AOPEP: variants seen among roughly 807,000 people sequenced by gnomAD.
AOPEP encodes the protein aminopeptidase O (putative).
In AOPEP, 77 loss-of-function variants were observed where a neutral mutation model predicts 98.1. The ratio of observed to expected loss-of-function variants is 0.78; its 90% CI spans 0.65 to 0.95. The LOEUF (loss-of-function observed/expected upper bound fraction) is 0.95. Among genes scored for constraint, AOPEP ranks in the 40% least tolerant of loss-of-function variants. AOPEP has a pLI of 0.00. For missense variants in AOPEP, 1,024 were observed against 1,024.7 expected, an observed-to-expected ratio of 1.00 and a Z score of 0.01; for synonymous variants, 346 against 365.3, an observed-to-expected ratio of 0.95 and a Z score of 0.60.
At chr9:94,933,056 T>G in intron 7 of AOPEP, 1 of 985,578 alleles carries the variant, frequency 1.0e-6, no homozygotes, top group Non-Finnish European at 1.2e-6. Context: ...CCCAGACTCT[T>G]CATCTCCTCT....
At chr9:95,125,136 G>A in the AOPEP span, 1 of 1,614,176 alleles carries the variant, frequency 6.2e-7, no homozygotes, top group Non-Finnish European at 8.5e-7. Context: ...GTAAACACCT[G>A]AATAGTGGCT....
chr9:95,014,413 T>C (rs2062813744), intron 13 of AOPEP, among the ~76,000 whole-genome samples: 1 of 151,896 alleles, frequency 6.6e-6, no homozygotes, highest in Non-Finnish European at 1.5e-5. Flanking sequence ...CGAATGTTGC[T>C]ATAAGCCTAG....
At chr9:94,864,300 A>G (rs1011549177) in intron 5 of AOPEP, among the ~76,000 whole-genome samples, 3 of 152,232 alleles carry the variant, frequency 2.0e-5, no homozygotes, top group African/African-American at 4.8e-5. Flanking sequence ...CTATATGAAA[A>G]AAGTCACATG....
chr9:94,822,098 G>A (rs923873721), intron 5 of AOPEP, among the ~76,000 whole-genome samples: 12 of 152,112 alleles, frequency 7.9e-5, no homozygotes, highest in African/African-American at 2.4e-4. Context: ...GTTTGGCAGG[G>A]CACTCATTAC....
chr9:95,131,848 AG>A, the AOPEP span, among the ~76,000 whole-genome samples: 1 of 152,324 alleles, frequency 6.6e-6, no homozygotes, highest in African/African-American at 2.4e-5. Context: ...GTCTGTGTAA[AG>A]GAAGTTTCTT....
chr9:94,995,726 T>C (rs923783635), intron 11 of AOPEP, among the ~76,000 whole-genome samples: 3 of 152,214 alleles, frequency 2.0e-5, no homozygotes, highest in Admixed American at 6.5e-5. Context: ...TCCTAGAAGA[T>C]AGATTTAATA....
chr9:95,141,916 C>A, the AOPEP span, among the ~76,000 whole-genome samples: 2 of 150,118 alleles, frequency 1.3e-5, no homozygotes, highest in African/African-American at 2.5e-5. Flanking sequence ...CCTAATACTA[C>A]ACATTGTCAA....
At chr9:94,819,928 A>C (rs10993358) in intron 5 of AOPEP, among the ~76,000 whole-genome samples, 2,089 of 142,998 alleles carry the variant, frequency 0.015, 48 homozygotes, top group East Asian at 0.093. Context: ...TTGAATAATA[A>C]GTTTCTTTAG....
In AOPEP at chr9:94,942,981, AC is replaced by A. The variant is rs372319631; in HGVS notation, c.1662-12193del. ...GGTACTGATTCAAAACGGATCAAAA[AC>A]CCAAATATAAAAGCTAAAATTATAC... On this transcript the variant is annotated intron_variant, in intron 7 of 16. Coordinates refer to ENST00000375315, the MANE Select transcript of AOPEP (RefSeq NM_001193329.3). 5.3e-3 allele frequency among the ~76,000 whole-genome samples: 801 copies of A among 152,022 alleles called. 14 individuals carry two copies. Among genetic ancestry groups the A allele is most frequent in the East Asian group, 0.043 (221 of 5,170 alleles).
intron 3 of AOPEP, among the ~76,000 whole-genome samples, chr9:94,776,808 T>C (rs1842206567): frequency 6.6e-6 from 1 of 152,220 alleles, no homozygotes; most frequent in Admixed American, 6.5e-5. Context: ...TTATGTATTT[T>C]CTAGGAATTA....
intron 13 of AOPEP, among the ~76,000 whole-genome samples, chr9:95,015,450 T>G (rs1435545237): frequency 6.6e-6 from 1 of 152,206 alleles, no homozygotes; most frequent in African/African-American, 2.4e-5. Flanking sequence ...AATTCTATAT[T>G]TATTCAAACA....
At chr9:94,839,070 C>T (rs1344765982) in intron 5 of AOPEP, among the ~76,000 whole-genome samples, 1 of 140,026 alleles carries the variant, frequency 7.1e-6, no homozygotes, top group African/African-American at 2.7e-5. Flanking sequence ...GCCACCACAC[C>T]CACCTAATTT....
downstream of AOPEP, among the ~76,000 whole-genome samples, chr9:95,090,622 C>T (rs116075462): frequency 0.032 from 4,858 of 152,216 alleles, 263 homozygotes; most frequent in African/African-American, 0.11. Flanking sequence ...ACCCTGGGGC[C>T]GGCCTAGAAA....
At chr9:95,013,194 C>G (rs566572728) in intron 13 of AOPEP, among the ~76,000 whole-genome samples, 1 of 152,014 alleles carries the variant, frequency 6.6e-6, no homozygotes, top group South Asian at 2.1e-4. Context: ...TGTTTGACTT[C>G]AAGTTTTTCC....
At chr9:95,128,617 T>C in the AOPEP span, among the ~76,000 whole-genome samples, 7 of 152,170 alleles carry the variant, frequency 4.6e-5, no homozygotes, top group African/African-American at 1.7e-4. Flanking sequence ...CTTACTCAGT[T>C]TGTTAGAAGA....
chr9:95,023,559 T>C (rs553169689), intron 13 of AOPEP, among the ~76,000 whole-genome samples: 3 of 152,346 alleles, frequency 2.0e-5, no homozygotes, highest in Admixed American at 1.3e-4. Context: ...AGCTGTTTTA[T>C]TGATTTTGGT....
chr9:94,952,896 A>C (rs2058204078), intron 7 of AOPEP, among the ~76,000 whole-genome samples: 1 of 152,256 alleles, frequency 6.6e-6, no homozygotes, highest in African/African-American at 2.4e-5. Context: ...AGAGTTAGAG[A>C]GGGATGCTTT....
chr9:95,058,927 G>A (rs2067076217), intron 13 of AOPEP, among the ~76,000 whole-genome samples: 1 of 152,206 alleles, frequency 6.6e-6, no homozygotes, highest in Admixed American at 6.5e-5. Context: ...GAGAAGGAGG[G>A]CAGAGGGAGA....
At chr9:94,934,114 A>C (rs1238036249) in intron 7 of AOPEP, among the ~76,000 whole-genome samples, 1 of 152,074 alleles carries the variant, frequency 6.6e-6, no homozygotes, top group Non-Finnish European at 1.5e-5. Flanking sequence ...AGGAGAGAGG[A>C]AAATCTCAGT....
Sources: gnomAD v4.1 joint callset for allele counts (sites outside exome capture counted in the v4.1 genomes callset) on GRCh38, gnomAD v4.1.1 for gene constraint, MANE v1.5 for transcripts, NCBI Gene and HGNC (gene_info 2026-07-23, HGNC 2026-07-21) for gene names.